The following RIPOR2 variants were observed in gnomAD, a reference collection of about 807,000 sequenced individuals.
The protein encoded by RIPOR2 is RHO family interacting cell polarization regulator 2.
In RIPOR2, 39 loss-of-function variants were observed where a neutral mutation model predicts 114.5. The ratio of observed to expected loss-of-function variants is 0.34; its 90% CI spans 0.26 to 0.44. The LOEUF (loss-of-function observed/expected upper bound fraction) is 0.44. RIPOR2 is among the 20% of genes least tolerant of loss of function. RIPOR2 has a pLI of 1.00. For synonymous variants in RIPOR2, 445 were observed against 484.4 expected (o/e 0.92, Z 1.07); for missense variants, 1,007 against 1,255.1 (o/e 0.80, Z 2.99).
intron 17 of RIPOR2, 66 bp downstream of exon 17, chr6:24,830,437 CCCCCGA>C: frequency 7.6e-7 from 1 of 1,313,410 alleles, no homozygotes; most frequent in Non-Finnish European, 1.1e-6. Context: ...GGACCCCTCT[CCCCCGA>C]CCCCCACCCC....
At chr6:25,004,083 A>G (rs1775435829) in intron 1 of RIPOR2, among the ~76,000 whole-genome samples, 1 of 152,178 alleles carries the variant, frequency 6.6e-6, no homozygotes, top group African/African-American at 2.4e-5. Context: ...AAACAAACCA[A>G]GGGATATTAT....
At chr6:24,901,822 C>G (rs1768476921) in intron 1 of RIPOR2, among the ~76,000 whole-genome samples, 1 of 152,176 alleles carries the variant, frequency 6.6e-6, no homozygotes, top group Non-Finnish European at 1.5e-5. Flanking sequence ...GTCAGAACAT[C>G]TCAGTGCTAA....
At chr6:24,963,185 C>T (rs1773380123) in intron 1 of RIPOR2, among the ~76,000 whole-genome samples, 2 of 152,140 alleles carry the variant, frequency 1.3e-5, no homozygotes, top group Non-Finnish European at 2.9e-5. Context: ...GCGCCCACCA[C>T]CACACCCAGC....
At chr6:25,011,468 A>C (rs1775772245) in intron 1 of RIPOR2, among the ~76,000 whole-genome samples, 1 of 152,260 alleles carries the variant, frequency 6.6e-6, no homozygotes, top group African/African-American at 2.4e-5. Context: ...AATATGTCAC[A>C]TAGTCATCAA....
intron 1 of RIPOR2, among the ~76,000 whole-genome samples, chr6:24,966,982 C>A (rs1047595186): frequency 6.6e-6 from 1 of 152,186 alleles, no homozygotes; most frequent in African/African-American, 2.4e-5. Context: ...TCAAATCAAC[C>A]ACTTTCTTTC....
chr6:25,006,853 C>T (rs1025513229), intron 1 of RIPOR2, among the ~76,000 whole-genome samples: 1 of 152,244 alleles, frequency 6.6e-6, no homozygotes, highest in East Asian at 1.9e-4. Flanking sequence ...TGCCAGGCAG[C>T]ACTTTGCTTT....
intron 1 of RIPOR2, among the ~76,000 whole-genome samples, chr6:24,943,213 C>A (rs1423463766): frequency 6.6e-6 from 1 of 152,074 alleles, no homozygotes; most frequent in Non-Finnish European, 1.5e-5. Flanking sequence ...AAGCTGGAAA[C>A]CATCATTCTC....
intron 1 of RIPOR2, among the ~76,000 whole-genome samples, chr6:24,949,275 A>T (rs1772622385): frequency 6.6e-6 from 1 of 152,154 alleles, no homozygotes; most frequent in African/African-American, 2.4e-5. Flanking sequence ...GAGGGAGGGG[A>T]GCAGAAAGCC....
intron 1 of RIPOR2, among the ~76,000 whole-genome samples, chr6:25,013,220 G>A (rs1319288563): frequency 2.6e-5 from 4 of 152,118 alleles, no homozygotes; most frequent in East Asian, 3.8e-4. Flanking sequence ...CCCCAAAGAA[G>A]CTCTAACGTT....
At chr6:25,015,969 T>A (rs1358467098) in intron 1 of RIPOR2, 1 of 145,054 alleles carries the variant, frequency 6.9e-6, no homozygotes, top group African/African-American at 2.5e-5. Context: ...AATGGCATGA[T>A]CTCGGCTCAC....
chr6:24,915,615 G>A (rs569974055), intron 1 of RIPOR2, among the ~76,000 whole-genome samples: 76 of 152,194 alleles, frequency 5.0e-4, no homozygotes, highest in Admixed American at 1.4e-3. Flanking sequence ...CACCTGCCTC[G>A]GCCTCCCGAA....
At chr6:25,023,043 C>T (rs1274216282) in intron 1 of RIPOR2, among the ~76,000 whole-genome samples, 3 of 151,770 alleles carry the variant, frequency 2.0e-5, no homozygotes, top group Non-Finnish European at 4.4e-5. Context: ...TTAATAGCTA[C>T]CCACCACAGC....
chr6:24,936,162 C>G (rs1316243112), upstream of RIPOR2: 4 of 383,490 alleles, frequency 1.0e-5, no homozygotes, highest in South Asian at 1.9e-4. Flanking sequence ...GATATGAATA[C>G]AGATATCACT....
At position 24,914,458 on chromosome 6, in the gene RIPOR2, G is replaced by C. The variant is rs144896032; in HGVS notation, c.61+21380C>G. Among the ~76,000 whole-genome samples the C allele has an allele frequency of 4.6e-4, 70 of 152,378 alleles. 1 individual carries two copies. The South Asian group carries it at 7.7e-3, about 17-fold the overall frequency. ...CTGCTAAGGGCCGGAGGTAAGCCCA[G>C]TAGTTGTGAAACCTGCCTTGTAGAG... is the stretch of plus-strand genomic sequence containing the variant. On this transcript the variant is annotated intron_variant, in intron 1 of 21. Coordinates refer to ENST00000643898, the MANE Select transcript of RIPOR2 (RefSeq NM_001286445.3).
At chr6:24,844,281 A>T (rs1762038003) in intron 12 of RIPOR2, among the ~76,000 whole-genome samples, 1 of 152,194 alleles carries the variant, frequency 6.6e-6, no homozygotes, top group Non-Finnish European at 1.5e-5. Context: ...CCTGTGCTTC[A>T]TGAAGCAGAA....
intron 1 of RIPOR2, among the ~76,000 whole-genome samples, chr6:25,007,949 A>G (rs1419929364): frequency 1.3e-5 from 2 of 152,126 alleles, no homozygotes; most frequent in Admixed American, 6.5e-5. Flanking sequence ...GCATCATCCC[A>G]GGCAACCAAT....
chr6:24,983,111 G>GAA (rs1457241638), intron 1 of RIPOR2, among the ~76,000 whole-genome samples: 1 of 151,954 alleles, frequency 6.6e-6, no homozygotes. Flanking sequence ...CTCCTGGGTT[G>GAA]TTGCAGTCCG....
intron 1 of RIPOR2, among the ~76,000 whole-genome samples, chr6:24,984,016 G>A (rs188300752): frequency 0.012 from 1,765 of 152,248 alleles, 13 homozygotes; most frequent in Non-Finnish European, 0.019. Context: ...TGGTCCTCAA[G>A]GACCATAAGG....
chr6:24,854,950 C>T (rs1415633137), intron 8 of RIPOR2, among the ~76,000 whole-genome samples: 2 of 144,396 alleles, frequency 1.4e-5, no homozygotes, highest in Non-Finnish European at 3.0e-5. Flanking sequence ...TCGCTTGAAC[C>T]TGGGAGGCGG....
Sources: allele counts gnomAD v4.1 joint callset (sites outside exome capture counted in the v4.1 genomes callset), GRCh38; gene constraint gnomAD v4.1.1; transcripts MANE v1.5; gene names NCBI Gene and HGNC (gene_info 2026-07-23, HGNC 2026-07-21).